The following TLN2 variants were observed in gnomAD, a reference collection of about 807,000 sequenced individuals.
TLN2 encodes talin-2.
Under a neutral mutation model 294.7 loss-of-function variants are expected in TLN2, and 118 were observed. The ratio of observed to expected loss-of-function variants is 0.40; its 90% CI spans 0.34 to 0.47. The LOEUF is 0.47. Among genes scored for constraint, TLN2 ranks in the 20% least tolerant of loss-of-function variants. The pLI is 0.84. For synonymous variants in TLN2, 1,431 were observed against 1,304.5 expected (o/e 1.10, Z -2.09); for missense variants, 3,083 against 3,282.2 (o/e 0.94, Z 1.48).
chr15:62,775,755 C>T (rs989154230), intron 42 of TLN2, among the ~76,000 whole-genome samples: 4 of 152,372 alleles, frequency 2.6e-5, no homozygotes, highest in African/African-American at 9.6e-5. Flanking sequence ...ACTTCCCCAA[C>T]AAGGTGGCTC....
At chr15:62,752,490 G>A in intron 35 of TLN2, 63 bp downstream of exon 35, 6 of 1,580,926 alleles carry the variant, frequency 3.8e-6, no homozygotes, top group Non-Finnish European at 4.3e-6. Context: ...AGGTGTGGGG[G>A]AACTCCAGCT....
In TLN2 at chr15:62,835,744, C is replaced by A; in HGVS notation, c.7136C>A (p.Ser2379Tyr). The A allele has an allele frequency of 6.2e-7, 1 of 1,614,178 alleles. No individual in the cohort carries two copies. ...RELVAQGKVG[S>Y]IPANAADDGQ... ...CTCGACTCTACTCTCTAGGTGGGCT[C>A]CATCCCTGCCAATGCTGCAGACGAC... Residue 2379 changes from serine to tyrosine, a missense_variant, in exon 56 of 59, where the codon TCC (serine) becomes TAC (tyrosine). Ser to Tyr is a moderately radical substitution (Grantham distance 144, BLOSUM62 -2). Coordinates refer to ENST00000636159, the MANE Select transcript of TLN2 (RefSeq NM_015059.3).
At chr15:62,613,957 G>T (rs550804734) in intron 2 of TLN2, among the ~76,000 whole-genome samples, 1 of 152,262 alleles carries the variant, frequency 6.6e-6, no homozygotes, top group East Asian at 1.9e-4. Flanking sequence ...GATTGACAGA[G>T]GAGAGTGGAA....
chr15:62,510,971 A>T (rs1434508657), intron 1 of TLN2, among the ~76,000 whole-genome samples: 2 of 152,268 alleles, frequency 1.3e-5, no homozygotes, highest in Non-Finnish European at 2.9e-5. Context: ...ACAATTCGAA[A>T]GCATTTTGAC....
chr15:62,577,503 A>G (rs942677058), intron 1 of TLN2, among the ~76,000 whole-genome samples: 2 of 152,196 alleles, frequency 1.3e-5, no homozygotes, highest in African/African-American at 4.8e-5. Flanking sequence ...ACTACTTCAT[A>G]AAATTCTTAT....
chr15:62,536,090 C>T (rs1192685108), intron 1 of TLN2, among the ~76,000 whole-genome samples: 2 of 152,162 alleles, frequency 1.3e-5, no homozygotes, highest in Non-Finnish European at 2.9e-5. Context: ...AATCCAGTAT[C>T]TTAAATATTG....
chr15:62,562,307 G>GT (rs1435123961), intron 1 of TLN2, among the ~76,000 whole-genome samples: 2 of 152,140 alleles, frequency 1.3e-5, no homozygotes, highest in African/African-American at 2.4e-5. Context: ...AAGGAGCCCA[G>GT]TAACTGTGCG....
chr15:62,697,552 T>C, intron 14 of TLN2, 136 bp from the exon 15 acceptor site: 1 of 885,890 alleles, frequency 1.1e-6, no homozygotes, highest in Non-Finnish European at 1.7e-6. Context: ...TCATTCCTGC[T>C]TCTCAGTCTG....
At chr15:62,733,407 TA>T (rs1412839343) in intron 28 of TLN2, among the ~76,000 whole-genome samples, 5 of 152,202 alleles carry the variant, frequency 3.3e-5, no homozygotes, top group Admixed American at 3.3e-4. Context: ...TCCTTGTCCA[TA>T]ATTGAGGTGT....
intron 1 of TLN2, among the ~76,000 whole-genome samples, chr15:62,403,390 C>A (rs1026017904): frequency 6.6e-6 from 1 of 152,210 alleles, no homozygotes; most frequent in Non-Finnish European, 1.5e-5. Context: ...CTTGAACTCA[C>A]TCCAATCTGG....
intron 2 of TLN2, among the ~76,000 whole-genome samples, chr15:62,614,578 G>A (rs774043363): frequency 5.3e-5 from 8 of 151,906 alleles, no homozygotes; most frequent in Non-Finnish European, 8.8e-5. Context: ...TCACTTCTTC[G>A]TTGTAAAAGG....
At chr15:62,469,925 T>TGGGTGTGTGTTTGTGTGG (rs1446360809) in intron 1 of TLN2, among the ~76,000 whole-genome samples, 1 of 151,954 alleles carries the variant, frequency 6.6e-6, no homozygotes, top group East Asian at 1.9e-4. Context: ...CTCTTGCGTG[T>TGGGTGTGTGTTTGTGTGG]GGGTGTGTGT....
At chr15:62,443,345 A>C (rs1044068118) in intron 1 of TLN2, among the ~76,000 whole-genome samples, 8 of 152,318 alleles carry the variant, frequency 5.3e-5, no homozygotes, top group Non-Finnish European at 8.8e-5. Context: ...TTCTAATATA[A>C]AACTTTAATT....
chr15:62,613,494 A>G (rs1346281258), intron 2 of TLN2, among the ~76,000 whole-genome samples: 1 of 152,006 alleles, frequency 6.6e-6, no homozygotes, highest in African/African-American at 2.4e-5. Context: ...AAATGGTACA[A>G]CCTCTTTGGG....
intron 1 of TLN2, among the ~76,000 whole-genome samples, chr15:62,409,834 T>G (rs1253166463): frequency 6.6e-6 from 1 of 152,236 alleles, no homozygotes; most frequent in Non-Finnish European, 1.5e-5. Context: ...TAGATCTTGG[T>G]ATTCTAAGTT....
chr15:62,699,500 A>G (rs2058579114), intron 16 of TLN2, among the ~76,000 whole-genome samples: 1 of 151,928 alleles, frequency 6.6e-6, no homozygotes, highest in Non-Finnish European at 1.5e-5. Flanking sequence ...CTGGCTTACT[A>G]CCACTGAGCT....
chr15:62,724,442 T>G (rs1165696350), intron 26 of TLN2, among the ~76,000 whole-genome samples: 3 of 152,254 alleles, frequency 2.0e-5, no homozygotes, highest in Non-Finnish European at 4.4e-5. Context: ...GTGTTATACG[T>G]GACCAAGAGA....
rs182056961 is a variant in TLN2 at position 62,819,971 on chromosome 15, A to C, written c.6877+350A>C. The stretch of plus-strand genomic sequence containing the variant: ...TCAAATAGTACTTCATGTTTTGAAA[A>C]TGATGCTACCTGAAAACATTGTTTG... On this transcript the variant is annotated intron_variant, in intron 53 of 58. Coordinates refer to ENST00000636159, the MANE Select transcript of TLN2 (RefSeq NM_015059.3). 5.9e-5 allele frequency among the ~76,000 whole-genome samples: 9 copies of C among 152,326 alleles called. No homozygotes were observed. The East Asian group carries it at 1.7e-3, about 29-fold the overall frequency.
intron 52 of TLN2, among the ~76,000 whole-genome samples, chr15:62,812,775 T>A (rs1179906215): frequency 1.3e-5 from 2 of 152,158 alleles, no homozygotes; most frequent in Non-Finnish European, 2.9e-5. Flanking sequence ...AAGGCTGTCT[T>A]GTGTGTATGG....
Sources: allele counts gnomAD v4.1 joint callset (sites outside exome capture counted in the v4.1 genomes callset), GRCh38; gene constraint gnomAD v4.1.1; transcripts MANE v1.5; gene names NCBI Gene and HGNC (gene_info 2026-07-23, HGNC 2026-07-21).